TNR: variants seen among roughly 807,000 people sequenced by gnomAD.
The protein encoded by TNR is tenascin-R.
TNR carries 45 observed loss-of-function variants against 150.4 expected under a neutral mutation model. That is an observed-to-expected ratio of 0.30 (90% confidence interval 0.24 to 0.38). TNR has a LOEUF of 0.38. Among genes scored for constraint, TNR ranks in the 10% least tolerant of loss-of-function variants. The pLI is 1.00. For synonymous variants in TNR, 687 were observed against 678.4 expected (o/e 1.01, Z -0.20); for missense variants, 1,544 against 1,759.1 (o/e 0.88, Z 2.19).
intron 8 of TNR, among the ~76,000 whole-genome samples, chr1:175,381,766 T>C (rs1652692029): frequency 6.6e-6 from 1 of 152,244 alleles, no homozygotes; most frequent in Non-Finnish European, 1.5e-5. Flanking sequence ...AGTAATTCCC[T>C]TGCTTAAAAC....
chr1:175,391,998 GAT>G (rs2102035413), intron 6 of TNR, among the ~76,000 whole-genome samples: 1 of 152,284 alleles, frequency 6.6e-6, no homozygotes, highest in East Asian at 1.9e-4. Context: ...TGAATCTGTC[GAT>G]GTCTTGTTTC....
chr1:175,333,956 T>A (rs927994195), intron 20 of TNR, among the ~76,000 whole-genome samples: 3 of 151,948 alleles, frequency 2.0e-5, no homozygotes, highest in African/African-American at 7.3e-5. Context: ...TGTGTGGAGT[T>A]TGGTGTTGGA....
At chr1:175,652,875 G>T (rs1376343564) in intron 1 of TNR, among the ~76,000 whole-genome samples, 1 of 152,216 alleles carries the variant, frequency 6.6e-6, no homozygotes, top group East Asian at 1.9e-4. Flanking sequence ...AGAAAAAGCT[G>T]TGAGTAGAAA....
At chr1:175,436,701 G>GA (rs1655527566) in intron 2 of TNR, among the ~76,000 whole-genome samples, 1 of 151,760 alleles carries the variant, frequency 6.6e-6, no homozygotes, top group Non-Finnish European at 1.5e-5. Context: ...CAAGCAAATG[G>GA]AAAACCAAAA....
intron 3 of TNR, among the ~76,000 whole-genome samples, chr1:175,405,966 C>T (rs1268769519): frequency 6.6e-6 from 1 of 152,222 alleles, no homozygotes; most frequent in Non-Finnish European, 1.5e-5. Flanking sequence ...GTATTTCAAA[C>T]TGGCTATGCA....
chr1:175,610,211 C>T (rs1311050758), intron 1 of TNR, among the ~76,000 whole-genome samples: 1 of 152,176 alleles, frequency 6.6e-6, no homozygotes, highest in Non-Finnish European at 1.5e-5. Flanking sequence ...TGAGTTTTAC[C>T]TAAGACACAT....
At chr1:175,404,577 G>A (rs1242588839) in intron 3 of TNR, among the ~76,000 whole-genome samples, 1 of 152,172 alleles carries the variant, frequency 6.6e-6, no homozygotes, top group Non-Finnish European at 1.5e-5. Context: ...AGGATATGAA[G>A]TCTAGTAAGT....
In TNR at chr1:175,322,972, C is replaced by CA. The variant is rs1344477752; in HGVS notation, c.*384dup. ...AGAACCTGGCCATGTCAGGCTGTGA[C>CA]AAAATCACAAATACCTGGAAGGCAG... On this transcript the variant is annotated 3_prime_UTR_variant, in exon 23 of 23. Coordinates refer to ENST00000367674, the MANE Select transcript of TNR (RefSeq NM_003285.3). 1 of 158,326 alleles carries CA rather than the reference C, an allele frequency of 6.3e-6. No homozygotes were observed. The highest frequency in any genetic ancestry group is 1.4e-5 in the Non-Finnish European group (1 of 72,326). The allele number at this position is 158,326 out of a possible 1,614,324, so 9.8% of individuals were successfully genotyped here.
intron 2 of TNR, among the ~76,000 whole-genome samples, chr1:175,427,924 TC>T (rs1275463818): frequency 1.4e-5 from 2 of 142,718 alleles, no homozygotes; most frequent in Non-Finnish European, 3.0e-5. Context: ...CTTCCTTCCT[TC>T]CTTCCTGTCT....
chr1:175,634,185 G>A (rs1254480726), intron 1 of TNR, among the ~76,000 whole-genome samples: 1 of 152,162 alleles, frequency 6.6e-6, no homozygotes, highest in Non-Finnish European at 1.5e-5. Flanking sequence ...GGAGGAAGAT[G>A]GGGAGGAGGG....
chr1:175,383,423 G>C (rs1276280247), intron 8 of TNR, among the ~76,000 whole-genome samples: 6 of 152,314 alleles, frequency 3.9e-5, no homozygotes, highest in African/African-American at 7.2e-5. Flanking sequence ...CTCCAGAGGA[G>C]AGAAATGGTG....
At chr1:175,616,109 G>C (rs1039344509) in intron 1 of TNR, among the ~76,000 whole-genome samples, 1 of 152,150 alleles carries the variant, frequency 6.6e-6, no homozygotes, top group African/African-American at 2.4e-5. Context: ...GATGTGCCAG[G>C]GGCCAAATAG....
intron 1 of TNR, among the ~76,000 whole-genome samples, chr1:175,604,988 A>C (rs1421564084): frequency 6.6e-6 from 1 of 152,232 alleles, no homozygotes; most frequent in East Asian, 1.9e-4. Flanking sequence ...ACAAAGTATA[A>C]TTAATGAATT....
intron 1 of TNR, among the ~76,000 whole-genome samples, chr1:175,618,143 C>A (rs1019081728): frequency 6.6e-6 from 1 of 152,254 alleles, no homozygotes; most frequent in Non-Finnish European, 1.5e-5. Context: ...TATATATTTT[C>A]ATTCCTTCTC....
chr1:175,616,479 G>T (rs2101860286), intron 1 of TNR, among the ~76,000 whole-genome samples: 1 of 152,324 alleles, frequency 6.6e-6, no homozygotes, highest in African/African-American at 2.4e-5. Context: ...CTCTGAAGCA[G>T]AAATTTGAAG....
chr1:175,681,633 A>G (rs1666037044), intron 1 of TNR, among the ~76,000 whole-genome samples: 1 of 152,174 alleles, frequency 6.6e-6, no homozygotes, highest in Admixed American at 6.5e-5. Flanking sequence ...TCCTAAACTG[A>G]TATGAGACTC....
intron 1 of TNR, among the ~76,000 whole-genome samples, chr1:175,654,719 C>CTTTTTTTT (rs36087120): frequency 6.7e-5 from 5 of 74,744 alleles, no homozygotes; most frequent in African/African-American, 1.1e-4. Context: ...AAGTTCCCTT[C>CTTTTTTTT]TTTTTTTTTT....
chr1:175,452,012 C>T (rs560713650), intron 2 of TNR, among the ~76,000 whole-genome samples: 1 of 152,276 alleles, frequency 6.6e-6, no homozygotes, highest in Non-Finnish European at 1.5e-5. Flanking sequence ...CCACATGTTT[C>T]TCTGTCCCAG....
At chr1:175,397,570 G>GT (rs1653492841) in intron 4 of TNR, among the ~76,000 whole-genome samples, 2 of 152,192 alleles carry the variant, frequency 1.3e-5, no homozygotes. Flanking sequence ...AGCCAAAACA[G>GT]TAAGTCCTGG....
Sources: allele counts gnomAD v4.1 joint callset (sites outside exome capture counted in the v4.1 genomes callset), GRCh38; gene constraint gnomAD v4.1.1; transcripts MANE v1.5; gene names NCBI Gene and HGNC (gene_info 2026-07-23, HGNC 2026-07-21).